Variants in PPP1R3A observed in about 807,000 individuals in gnomAD.
The protein encoded by PPP1R3A is RG1.
In PPP1R3A, 29 loss-of-function variants were observed where a neutral mutation model predicts 41.7. The ratio of observed to expected loss-of-function variants is 0.70; its 90% CI spans 0.52 to 0.95. The LOEUF is 0.95. Ranked by LOEUF, PPP1R3A falls within the 40% of genes least tolerant of loss-of-function variation. PPP1R3A has a pLI of 0.00. For synonymous variants in PPP1R3A, 485 were observed against 453.4 expected (o/e 1.07, Z -0.89); for missense variants, 1,352 against 1,292.4 (o/e 1.05, Z -0.71).
At chr7:113,890,837 C>T (rs4730602) in intron 1 of PPP1R3A, among the ~76,000 whole-genome samples, 100,939 of 151,668 alleles carry the variant, frequency 0.67, 33,593 homozygotes, top group South Asian at 0.75. Flanking sequence ...TACCTCTGAG[C>T]CCCATGCAAC....
At chr7:113,885,364 A>C (rs770268500) in intron 1 of PPP1R3A, among the ~76,000 whole-genome samples, 1 of 152,090 alleles carries the variant, frequency 6.6e-6, no homozygotes, top group Non-Finnish European at 1.5e-5. Flanking sequence ...TTTCTTGTAC[A>C]TTGCTGGTGG....
intron 3 of PPP1R3A, among the ~76,000 whole-genome samples, chr7:113,881,418 T>A (rs73435638): frequency 0.029 from 4,472 of 152,134 alleles, 222 homozygotes; most frequent in African/African-American, 0.1. Flanking sequence ...AAGTGCTGTA[T>A]AAACCATCCC....
chr7:113,886,261 G>T (rs1426664642), intron 1 of PPP1R3A, among the ~76,000 whole-genome samples: 1 of 152,070 alleles, frequency 6.6e-6, no homozygotes, highest in African/African-American at 2.4e-5. Flanking sequence ...TTCCCACAGT[G>T]TCATGGGAAG....
At chr7:113,895,818 G>A (rs905697823) in intron 1 of PPP1R3A, among the ~76,000 whole-genome samples, 3 of 151,818 alleles carry the variant, frequency 2.0e-5, no homozygotes, top group Non-Finnish European at 2.9e-5. Flanking sequence ...AGTTTTCTAC[G>A]CAGATTCAGT....
chr7:113,905,423 G>A (rs1584418560), intron 1 of PPP1R3A, among the ~76,000 whole-genome samples: 1 of 151,794 alleles, frequency 6.6e-6, no homozygotes, highest in African/African-American at 2.4e-5. Flanking sequence ...AAAAGTAAAA[G>A]CCCTTGCCTA....
Position 113,879,744 on chromosome 7 carries a change from T to G in PPP1R3A, c.1348A>C (p.Thr450Pro). The change falls in exon 4 of 4, where the codon ACA (threonine) becomes CCA (proline). Residue 450 changes from threonine (T) to proline (P), a missense_variant. Transcript: ENST00000284601. ...DNANPAHGNG[T>P]VQIPCPSSDQ... Reference sequence around the variant, plus strand: ...GAAGAGGGGCAAGGTATTTGCACTGTGCCATTGCCATGGGCTGGATTAGCA... The same window carrying G: ...GAAGAGGGGCAAGGTATTTGCACTGGGCCATTGCCATGGGCTGGATTAGCA... 1 of 1,613,372 alleles carries G rather than the reference T, an allele frequency of 6.2e-7. No homozygotes were observed. The highest frequency in any genetic ancestry group is 8.5e-7 in the Non-Finnish European group (1 of 1,179,690).
intron 1 of PPP1R3A, among the ~76,000 whole-genome samples, chr7:113,893,856 A>T (rs1438710044): frequency 2.0e-5 from 3 of 152,146 alleles, no homozygotes. Context: ...GATCCAGGAA[A>T]TTTCAACAGC....
chr7:113,901,388 A>G (rs1008348990), intron 1 of PPP1R3A, among the ~76,000 whole-genome samples: 2 of 151,804 alleles, frequency 1.3e-5, no homozygotes, highest in Non-Finnish European at 2.9e-5. Context: ...ATGAGTAGAA[A>G]AAAGCAGGTT....
At position 113,878,396 on chromosome 7, in the gene PPP1R3A, T is replaced by A. The variant is rs757254300; in HGVS notation, c.2696A>T (p.His899Leu). The part of the protein sequence containing the change: ...SKKTDSDAIV[H>L]SAFNSDTNRA... The stretch of plus-strand genomic sequence containing the variant: ...ATTAGTGTCTGAGTTAAAAGCAGAA[T>A]GCACAATGGCATCCGAGTCTGTTTT... Residue 899 changes from histidine (H) to leucine (L), a missense_variant, in exon 4 of 4, where the codon CAT becomes CTT. By Grantham distance (99) the His-to-Leu change is moderately conservative. Transcript: ENST00000284601. 6.2e-7 allele frequency: 1 copy of A among 1,611,910 alleles called. No homozygotes were observed. Among genetic ancestry groups the A allele is most frequent in the Non-Finnish European group, 8.5e-7 (1 of 1,179,660 alleles).
At chr7:113,910,188 C>T (rs10272011) in intron 1 of PPP1R3A, among the ~76,000 whole-genome samples, 10,673 of 151,970 alleles carry the variant, frequency 0.07, 544 homozygotes, top group African/African-American at 0.15. Flanking sequence ...CTGGCCCCAC[C>T]CTTAACACGT....
intron 1 of PPP1R3A, among the ~76,000 whole-genome samples, chr7:113,891,928 G>GT (rs967622589): frequency 6.6e-6 from 1 of 151,974 alleles, no homozygotes; most frequent in African/African-American, 2.4e-5. Flanking sequence ...GGATTAGGTT[G>GT]TAAGCAGCAA....
intron 1 of PPP1R3A, among the ~76,000 whole-genome samples, chr7:113,897,847 T>C (rs553327165): frequency 1.3e-5 from 2 of 151,850 alleles, no homozygotes; most frequent in East Asian, 3.9e-4. Context: ...AAAGGTCAAG[T>C]TGAGAACCTG....
At chr7:113,889,924 TATG>T (rs1796849770) in intron 1 of PPP1R3A, among the ~76,000 whole-genome samples, 1 of 152,006 alleles carries the variant, frequency 6.6e-6, no homozygotes, top group African/African-American at 2.4e-5. Flanking sequence ...AGCGCCAGGG[TATG>T]ATAACTGTGT....
At chr7:113,908,165 G>A (rs1280389560) in intron 1 of PPP1R3A, among the ~76,000 whole-genome samples, 1 of 151,878 alleles carries the variant, frequency 6.6e-6, no homozygotes, top group South Asian at 2.1e-4. Context: ...AATTGCCAAT[G>A]TCTAAAAACT....
At position 113,879,107 on chromosome 7, in the gene PPP1R3A, T is replaced by C. The variant is rs1330621008; in HGVS notation, c.1985A>G (p.Gln662Arg). The C allele has an allele frequency of 1.2e-6, 2 of 1,601,438 alleles. No homozygotes were observed. The highest frequency in any genetic ancestry group is 1.7e-6 in the Non-Finnish European group (2 of 1,168,184). ...HKQSWNVLES[Q>R]GKSRENKTNI... ...TGTCTTATTCTCTCTTGATTTTCCCTGACTTTCCAGAACATTCCAACTTTG... is the reference window on the plus strand; with the variant it reads ...TGTCTTATTCTCTCTTGATTTTCCCCGACTTTCCAGAACATTCCAACTTTG... Residue 662 changes from glutamine (Q) to arginine (R), a missense_variant, in exon 4 of 4, where the codon CAG becomes CGG. Gln to Arg is a conservative substitution (Grantham distance 43). Transcript: ENST00000284601.
chr7:113,897,731 A>G (rs1584414752), intron 1 of PPP1R3A, among the ~76,000 whole-genome samples: 1 of 151,838 alleles, frequency 6.6e-6, no homozygotes, highest in East Asian at 1.9e-4. Flanking sequence ...TGGGTCCCTG[A>G]TTAAATGAGT....
At chr7:113,890,381 G>C (rs557520591) in intron 1 of PPP1R3A, among the ~76,000 whole-genome samples, 8 of 152,242 alleles carry the variant, frequency 5.3e-5, no homozygotes, top group African/African-American at 1.9e-4. Flanking sequence ...ACTAAAATTG[G>C]ATCTACTGAA....
intron 1 of PPP1R3A, among the ~76,000 whole-genome samples, chr7:113,890,971 T>C (rs1796871175): frequency 6.7e-6 from 1 of 150,220 alleles, no homozygotes; most frequent in African/African-American, 2.5e-5. Context: ...AGTTAAACAA[T>C]ATGGCAGAAG....
intron 1 of PPP1R3A, among the ~76,000 whole-genome samples, chr7:113,908,838 A>G (rs1391661358): frequency 5.9e-5 from 9 of 151,962 alleles, no homozygotes; most frequent in Non-Finnish European, 8.8e-5. Context: ...TGTCCTTTGC[A>G]ACAACATGGA....
Sources: gnomAD v4.1 joint callset for allele counts (sites outside exome capture counted in the v4.1 genomes callset) on GRCh38, gnomAD v4.1.1 for gene constraint, MANE v1.5 for transcripts, NCBI Gene and HGNC (gene_info 2026-07-23, HGNC 2026-07-21) for gene names.